ST6GALNAC3: variants seen among roughly 807,000 people sequenced by gnomAD.
ST6GALNAC3 encodes alpha-N-acetylgalactosaminide alpha-2,6-sialyltransferase 3.
Under a neutral mutation model 32.7 loss-of-function variants are expected in ST6GALNAC3, and 25 were observed. That is an observed-to-expected ratio of 0.76 (90% CI 0.56 to 1.07). The LOEUF is 1.07. ST6GALNAC3 is among the 50% of genes least tolerant of loss of function. The pLI, the probability that ST6GALNAC3 is intolerant of heterozygous loss-of-function variation, is 0.00. For missense variants in ST6GALNAC3, 355 were observed against 382.4 expected (o/e 0.93, Z 0.60); for synonymous variants, 129 against 133.1 (o/e 0.97, Z 0.21).
chr1:76,352,584 C>T (rs923932795), intron 2 of ST6GALNAC3, among the ~76,000 whole-genome samples: 1 of 147,040 alleles, frequency 6.8e-6, no homozygotes, highest in Non-Finnish European at 1.5e-5. Context: ...TCTCTATCTG[C>T]ATTTTATTCC....
At chr1:76,421,269 C>T (rs982033031) in intron 3 of ST6GALNAC3, among the ~76,000 whole-genome samples, 3 of 152,040 alleles carry the variant, frequency 2.0e-5, no homozygotes, top group Non-Finnish European at 4.4e-5. Flanking sequence ...TTCCACAGTT[C>T]TATTTAGAGA....
chr1:76,168,946 A>G (rs1012397439), intron 1 of ST6GALNAC3, among the ~76,000 whole-genome samples: 2 of 152,148 alleles, frequency 1.3e-5, no homozygotes, highest in Non-Finnish European at 2.9e-5. Flanking sequence ...CACTTAGCCC[A>G]TTTACCTTTA....
chr1:76,373,792 T>C (rs530663157), intron 2 of ST6GALNAC3, among the ~76,000 whole-genome samples: 187 of 152,290 alleles, frequency 1.2e-3, no homozygotes, highest in South Asian at 3.1e-3. Flanking sequence ...CTAAGAGAAA[T>C]AAATGTTAGG....
chr1:76,437,106 C>T lies in ST6GALNAC3; in HGVS notation c.623+24689C>T, dbSNP rs1656197667. 2.0e-5 allele frequency among the ~76,000 whole-genome samples: 3 copies of T among 152,072 alleles called. No homozygotes were observed. The South Asian group carries it at 6.2e-4, about 32-fold the overall frequency. The stretch of plus-strand genomic sequence containing the variant: ...GTAAGCGTGACTCCCCTCTGTGTAC[C>T]TGTGATCAACTGAATGTACAATATT... On this transcript the variant is annotated intron_variant, in intron 3 of 4. Coordinates refer to ENST00000328299, the MANE Select transcript of ST6GALNAC3 (RefSeq NM_152996.4).
chr1:76,574,960 T>C (rs1178392729), intron 3 of ST6GALNAC3, among the ~76,000 whole-genome samples: 2 of 152,092 alleles, frequency 1.3e-5, no homozygotes, highest in African/African-American at 4.8e-5. Context: ...TGACCTAAGC[T>C]CTGTCTTCCA....
intron 3 of ST6GALNAC3, among the ~76,000 whole-genome samples, chr1:76,604,036 C>G (rs904092349): frequency 6.6e-6 from 1 of 152,138 alleles, no homozygotes; most frequent in South Asian, 2.1e-4. Context: ...GTGACCTTCA[C>G]TCTGAACTAC....
At chr1:76,285,414 A>ACG (rs1164300078) in intron 1 of ST6GALNAC3, among the ~76,000 whole-genome samples, 1 of 149,756 alleles carries the variant, frequency 6.7e-6, no homozygotes, top group Non-Finnish European at 1.5e-5. Flanking sequence ...GTGTGTGTAC[A>ACG]TGTGTGTGTA....
At chr1:76,154,322 T>C (rs895719567) in intron 1 of ST6GALNAC3, among the ~76,000 whole-genome samples, 1 of 152,110 alleles carries the variant, frequency 6.6e-6, no homozygotes, top group African/African-American at 2.4e-5. Flanking sequence ...CTCTCGTCAC[T>C]CTTAAAGCAA....
rs781402050 is a variant in ST6GALNAC3, at chr1:76,489,082, G to C, written c.623+76665G>C. ...ATCATTATTATATCTCCAGTGCCTG[G>C]CATCGTACTTGGAAAAAAGTAGTTG... On this transcript the variant is annotated intron_variant, in intron 3 of 4. Transcript: ENST00000328299. Among the ~76,000 whole-genome samples, 21 of 152,100 alleles carry C rather than the reference G, an allele frequency of 1.4e-4. 1 individual carries two copies. Among genetic ancestry groups the C allele is most frequent in the Admixed American group, 5.2e-4 (8 of 15,256 alleles).
chr1:76,598,852 T>A (rs61771660), intron 3 of ST6GALNAC3, among the ~76,000 whole-genome samples: 4 of 152,080 alleles, frequency 2.6e-5, no homozygotes, highest in African/African-American at 9.7e-5. Flanking sequence ...TACCATATGC[T>A]TCTTCCTAAA....
intron 1 of ST6GALNAC3, among the ~76,000 whole-genome samples, chr1:76,275,085 A>C (rs1468778543): frequency 6.6e-6 from 1 of 152,230 alleles, no homozygotes; most frequent in East Asian, 1.9e-4. Context: ...GTGCAATTCC[A>C]GCTTCTCGGC....
At chr1:76,546,506 A>G (rs1301016962) in intron 3 of ST6GALNAC3, among the ~76,000 whole-genome samples, 3 of 152,240 alleles carry the variant, frequency 2.0e-5, no homozygotes, top group African/African-American at 4.8e-5. Context: ...TTTGGAAAGT[A>G]TCTTGAGCAG....
intron 3 of ST6GALNAC3, among the ~76,000 whole-genome samples, chr1:76,470,270 T>C (rs1335450221): frequency 2.0e-5 from 3 of 152,118 alleles, no homozygotes; most frequent in Non-Finnish European, 4.4e-5. Context: ...ACTGACTTGA[T>C]AGAAACATAG....
At chr1:76,128,551 T>A (rs1212426481) in intron 1 of ST6GALNAC3, among the ~76,000 whole-genome samples, 4 of 152,132 alleles carry the variant, frequency 2.6e-5, no homozygotes, top group Admixed American at 6.5e-5. Context: ...GGCTGAGCAA[T>A]GGCTGCTTCC....
chr1:76,516,209 A>G (rs959218172), intron 3 of ST6GALNAC3, among the ~76,000 whole-genome samples: 10 of 152,202 alleles, frequency 6.6e-5, no homozygotes, highest in Admixed American at 5.2e-4. Flanking sequence ...GTGCAGGCCA[A>G]GAGGCCTTTC....
At chr1:76,527,554 T>A (rs1662989406) in intron 3 of ST6GALNAC3, among the ~76,000 whole-genome samples, 1 of 152,104 alleles carries the variant, frequency 6.6e-6, no homozygotes, top group South Asian at 2.1e-4. Context: ...CCTGTGAACC[T>A]GATAACACCT....
intron 1 of ST6GALNAC3, among the ~76,000 whole-genome samples, chr1:76,152,606 C>T (rs1175062705): frequency 2.0e-5 from 3 of 152,164 alleles, no homozygotes; most frequent in Non-Finnish European, 4.4e-5. Context: ...GTGCCAAGGA[C>T]AAAACACACT....
At chr1:76,418,767 C>T (rs1356807053) in intron 3 of ST6GALNAC3, among the ~76,000 whole-genome samples, 2 of 151,922 alleles carry the variant, frequency 1.3e-5, no homozygotes, top group African/African-American at 2.4e-5. Flanking sequence ...ATGGGCAGAT[C>T]CATAGGACTC....
intron 1 of ST6GALNAC3, among the ~76,000 whole-genome samples, chr1:76,091,989 C>T (rs183367954): frequency 6.8e-4 from 103 of 152,258 alleles, no homozygotes; most frequent in African/African-American, 2.3e-3. Flanking sequence ...TGAGGAAATG[C>T]GGGCTTAGAG....
Sources: gnomAD v4.1 joint callset for allele counts (sites outside exome capture counted in the v4.1 genomes callset) on GRCh38, gnomAD v4.1.1 for gene constraint, MANE v1.5 for transcripts, NCBI Gene and HGNC (gene_info 2026-07-23, HGNC 2026-07-21) for gene names.